EP400: variants seen among roughly 807,000 people sequenced by gnomAD.
EP400 encodes the protein E1A binding protein p400.
In EP400, 105 loss-of-function variants were observed where a neutral mutation model predicts 354.1. The observed-to-expected ratio is 0.30, with a 90% CI of 0.25 to 0.35. The LOEUF is 0.35. EP400 is among the 10% of genes least tolerant of loss of function. EP400 has a pLI of 1.00. For missense variants in EP400, 3,280 were observed against 4,121.0 expected, an observed-to-expected ratio of 0.80 and a Z score of 5.59; for synonymous variants, 1,646 against 1,716.9, an observed-to-expected ratio of 0.96 and a Z score of 1.02.
In EP400 at chr12:132,006,170, G is replaced by A. The variant is rs746911998; in HGVS notation, c.2994G>A (p.Ser998=). The change falls in exon 14 of 53, where the codon TCG becomes TCA. Residue 998 remains serine, a synonymous_variant. Transcript: ENST00000389561. ...ESRKDLVLID[S]LFIMDQFKAA... ...GCAAGGACTTGGTTCTCATCGACTCGCTTTTCATCATGGATCAGTTCAAAG... is the reference window on the plus strand; with the variant it reads ...GCAAGGACTTGGTTCTCATCGACTCACTTTTCATCATGGATCAGTTCAAAG... 3.7e-6 allele frequency: 6 copies of A among 1,614,074 alleles called. No homozygotes were observed. The highest frequency in any genetic ancestry group is 2.7e-5 in the African/African-American group (2 of 74,924).
Position 132,021,227 on chromosome 12 carries a change from C to G in EP400, c.4596C>G (p.Pro1532=), listed in dbSNP as rs760550750. Residue 1532 remains proline (P), a synonymous_variant, in exon 23 of 53, where the codon CCC becomes CCG. Coordinates refer to ENST00000389561, the MANE Select transcript of EP400 (RefSeq NM_015409.5). Reference sequence around the variant, plus strand: ...CACAGGCCTCCACCCCAGGCCAGCCCCCGCCCCAGCCCCAGGCCCCCTCGC... The same window carrying G: ...CACAGGCCTCCACCCCAGGCCAGCCGCCGCCCCAGCCCCAGGCCCCCTCGC... ...TTAQASTPGQ[P]PPQPQAPSHA... is the part of the protein sequence containing the mutation. The G allele has an allele frequency of 1.3e-6, 2 of 1,576,106 alleles. No homozygotes were observed. Among genetic ancestry groups the G allele is most frequent in the African/African-American group, 1.3e-5 (1 of 74,470 alleles).
In EP400 at chr12:132,045,222, C is replaced by T. The variant is rs1044038001; in HGVS notation, c.6785-97C>T. 10 of 1,532,158 alleles carry T rather than the reference C, an allele frequency of 6.5e-6. No individual in the cohort carries two copies. In the African/African-American group the frequency reaches 9.6e-5, roughly 15 times the overall value. The allele number at this position is 1,532,158 out of a possible 1,614,324, so 94.9% of individuals were successfully genotyped here. ...GCTTTCTGTGGCCTCTTTGCCCAGG[C>T]ACCTCCAGACTTGCCTGACCTGTTT... is the stretch of plus-strand genomic sequence containing the variant. On this transcript the variant is annotated intron_variant, in intron 37 of 52. Transcript: ENST00000389561.
chr12:132,031,319 G>A (rs774976057), intron 29 of EP400: 1 of 519,200 alleles, frequency 1.9e-6, no homozygotes, highest in South Asian at 1.4e-5. Flanking sequence ...TCCCCAGTAA[G>A]ACGCTGTTTT....
At chr12:131,987,384 T>C (rs1892888000) in intron 6 of EP400, among the ~76,000 whole-genome samples, 1 of 152,226 alleles carries the variant, frequency 6.6e-6, no homozygotes, top group South Asian at 2.1e-4. Context: ...CCAGACATCC[T>C]ATGGTTTCCC....
intron 23 of EP400, among the ~76,000 whole-genome samples, 191 bp from the exon 24 acceptor site, chr12:132,023,586 C>T (rs973389331): frequency 6.6e-6 from 1 of 152,098 alleles, no homozygotes; most frequent in Non-Finnish European, 1.5e-5. Flanking sequence ...TAAAATCTGA[C>T]ATTTTGTTTT....
In EP400 at chr12:131,992,215, T is replaced by C; in HGVS notation, c.2722T>C (p.Leu908=). 1 of 1,610,620 alleles carries C rather than the reference T, an allele frequency of 6.2e-7. No homozygotes were observed. Among genetic ancestry groups the C allele is most frequent in the South Asian group, 1.1e-5 (1 of 91,086 alleles). ...SGRKRKASIS[L]TDDEVDDEEE... ...AAGAAAAAGAAAAGCTAGCATATCT[T>C]TGACTGATGACGAAGGTCTGTTCCC... The change falls in exon 11 of 53, where the codon TTG becomes CTG. Residue 908 remains leucine (L), a synonymous_variant. Transcript: ENST00000389561.
intron 52 of EP400, 128 bp from the exon 53 acceptor site, chr12:132,077,273 T>C: frequency 1.7e-6 from 2 of 1,209,036 alleles, no homozygotes; most frequent in Non-Finnish European, 2.3e-6. Context: ...TGACTGGTCA[T>C]TCTTCCGTGT....
At chr12:131,985,786 TTAGTAG>T (rs1203450490) in intron 5 of EP400, among the ~76,000 whole-genome samples, 2 of 152,138 alleles carry the variant, frequency 1.3e-5, no homozygotes, top group African/African-American at 4.8e-5. Context: ...TTTTGTATTT[TTAGTAG>T]AGACGAGGTT....
intron 45 of EP400, among the ~76,000 whole-genome samples, chr12:132,059,954 C>T (rs541553117): frequency 4.6e-5 from 7 of 151,016 alleles, no homozygotes; most frequent in East Asian, 1.9e-4. Flanking sequence ...ACCCGGGAGG[C>T]GGAGGTTGCA....
intron 7 of EP400, among the ~76,000 whole-genome samples, chr12:131,988,838 T>G (rs1892944378): frequency 6.6e-6 from 1 of 152,184 alleles, no homozygotes; most frequent in Non-Finnish European, 1.5e-5. Flanking sequence ...GCTATGGCCT[T>G]GTGTTCCATC....
chr12:132,039,989 G>C (rs1240720341), intron 32 of EP400, among the ~76,000 whole-genome samples: 4 of 152,222 alleles, frequency 2.6e-5, no homozygotes, highest in African/African-American at 9.7e-5. Context: ...GCTGTGAGCT[G>C]TGATCGTGCC....
chr12:131,960,860 C>G lies in EP400; in HGVS notation c.241C>G (p.Pro81Ala). ...NVNITLQSVG[P>A]VVGGNQQITL... is the part of the protein sequence containing the mutation. ...GAACATCACCCTGCAGAGCGTGGGC[C>G]CTGTCGTCGGGGGAAACCAGCAGAT... Residue 81 changes from proline (P) to alanine (A), a missense_variant, in exon 2 of 53, where the codon CCT becomes GCT. This residue lies in a region of EP400 where 172 missense variants were observed against 242.9 expected (regional missense o/e 0.71). Coordinates refer to ENST00000389561, the MANE Select transcript of EP400 (RefSeq NM_015409.5). 1 of 1,614,004 alleles carries G rather than the reference C, an allele frequency of 6.2e-7. No individual in the cohort carries two copies. Among genetic ancestry groups the G allele is most frequent in the Non-Finnish European group, 8.5e-7 (1 of 1,180,032 alleles).
chr12:132,056,858 C>T (rs1895531955), intron 45 of EP400, among the ~76,000 whole-genome samples: 1 of 152,168 alleles, frequency 6.6e-6, no homozygotes, highest in African/African-American at 2.4e-5. Context: ...AAACAAGCAA[C>T]TGTATAAAAT....
At position 131,994,935 on chromosome 12, in the gene EP400, C is replaced by T. The variant is rs764803216; in HGVS notation, c.2806C>T (p.Leu936Phe). The T allele has an allele frequency of 6.2e-7, 1 of 1,613,878 alleles. No homozygotes were observed. The highest frequency in any genetic ancestry group is 1.3e-5 in the African/African-American group (1 of 74,898). Reference protein sequence around the residue: ...NEGVVDHQTELSNLAKEAELP... With the variant: ...NEGVVDHQTEFSNLAKEAELP... ...AGGCGTTGTGGACCACCAAACAGAA[C>T]TTTCTAATTTAGCCAAGGAAGGTAG... The change falls in exon 12 of 53, where the codon CTT becomes TTT. Residue 936 changes from leucine (L) to phenylalanine (F), a missense_variant. Around this residue, in one of 20 missense-constraint regions of EP400, gnomAD observed 800 missense variants for 840.0 expected, o/e 0.95. Transcript: ENST00000389561. The surrounding 1 kb of genome is among the most constrained non-coding windows in gnomAD (Gnocchi z 4.6).
chr12:132,041,196 A>G (rs987426973), intron 32 of EP400, among the ~76,000 whole-genome samples: 3 of 152,358 alleles, frequency 2.0e-5, no homozygotes, highest in African/African-American at 7.2e-5. Context: ...TGGCTATAGG[A>G]TTCTTCTGTC....
At chr12:132,069,768 T>C (rs1896014967) in intron 51 of EP400, 127 bp downstream of exon 51, 7 of 1,375,414 alleles carry the variant, frequency 5.1e-6, no homozygotes, top group Non-Finnish European at 6.9e-6. Context: ...TGGAGGGAAG[T>C]GTTGTCTCCT....
intron 2 of EP400, among the ~76,000 whole-genome samples, chr12:131,971,015 A>G (rs565306765): frequency 2.0e-5 from 3 of 152,262 alleles, no homozygotes; most frequent in East Asian, 1.9e-4. Context: ...ACCAGCCTGC[A>G]CAACATAGGA....
chr12:132,031,433 G>A, intron 29 of EP400: 2 of 512,570 alleles, frequency 3.9e-6, no homozygotes, highest in Non-Finnish European at 3.9e-6. Context: ...GCATGAGGGT[G>A]TTGGCGATGG....
Position 132,017,684 on chromosome 12 carries a change from C to A in EP400, c.4073C>A (p.Ser1358Tyr). The A allele has an allele frequency of 6.4e-7, 1 of 1,561,080 alleles. No individual in the cohort carries two copies. The highest frequency in any genetic ancestry group is 8.7e-7 in the Non-Finnish European group (1 of 1,153,056). ...GGGCCACTGGAGTATCCGTCCGCAT[C>A]TCTAATCCTGAAGGCACTGGAGAGA... ...VAGPLEYPSA[S>Y]LILKALERDF... Residue 1358 changes from serine to tyrosine, a missense_variant, in exon 20 of 53, where the codon TCT becomes TAT. By Grantham distance (144) the Ser-to-Tyr change is moderately radical (BLOSUM62 -2). This residue lies in a region of EP400 where 342 missense variants were observed against 342.7 expected (regional missense o/e 1.00). Transcript: ENST00000389561. This position sits in a 1 kb window ranked among gnomAD's most constrained non-coding sequence, Gnocchi z 5.0.
Sources: gnomAD v4.1 joint callset for allele counts (sites outside exome capture counted in the v4.1 genomes callset) on GRCh38, gnomAD v4.1.1 for gene constraint, gnomAD v4.1.1 regional missense constraint, Gnocchi (gnomAD v3.1) non-coding constraint, MANE v1.5 for transcripts, NCBI Gene and HGNC (gene_info 2026-07-23, HGNC 2026-07-21) for gene names.